The following MED25 variants were observed in gnomAD, a reference collection of about 807,000 sequenced individuals.
The protein encoded by MED25 is mediator of RNA polymerase II transcription subunit 25.
A neutral mutation model predicts 89.4 loss-of-function variants in MED25; 62 were observed. The ratio of observed to expected loss-of-function variants is 0.69; its 90% CI spans 0.57 to 0.86. The LOEUF (loss-of-function observed/expected upper bound fraction) is 0.86, where lower values mean the gene tolerates loss of function less well. Ranked by LOEUF, MED25 falls within the 40% of genes least tolerant of loss-of-function variation. The pLI is 0.00. For synonymous variants in MED25, 449 were observed against 427.9 expected, an observed-to-expected ratio of 1.05 and a Z score of -0.61; for missense variants, 905 against 1,005.2, an observed-to-expected ratio of 0.90 and a Z score of 1.35.
In MED25 at chr19:49,831,202, C is replaced by T. The variant is rs920526949; in HGVS notation, c.1102-131C>T. The T allele has an allele frequency of 9.6e-7, 1 of 1,039,960 alleles. No individual in the cohort carries two copies. The highest frequency in any genetic ancestry group is 1.4e-6 in the Non-Finnish European group (1 of 718,926). The allele number at this position is 1,039,960 out of a possible 1,614,324, so 64.4% of individuals were successfully genotyped here. A position where few individuals can be genotyped will look rare whatever the true frequency, so the allele number is the denominator to read the frequency against. On this transcript the variant is annotated intron_variant, in intron 9 of 17. Coordinates refer to ENST00000312865, the MANE Select transcript of MED25 (RefSeq NM_030973.4). The surrounding 1 kb of genome is among the most constrained non-coding windows in gnomAD (Gnocchi z 5.0). ...AAGCATTTGGGGTCCTGCGGCTGGC[C>T]AAGTGCTGTTCTGGGGATGGAGGGG...
chr19:49,826,168 G>A (rs753320475), intron 3 of MED25, among the ~76,000 whole-genome samples: 2 of 151,624 alleles, frequency 1.3e-5, no homozygotes, highest in African/African-American at 2.4e-5. Flanking sequence ...GTGAAACCCC[G>A]TCTCTACTTA....
At chr19:49,824,975 G>A (rs1276223760) in intron 3 of MED25, among the ~76,000 whole-genome samples, 3 of 152,246 alleles carry the variant, frequency 2.0e-5, no homozygotes, top group African/African-American at 7.2e-5. Context: ...GAGCCCACTT[G>A]TGTCACCTAG....
At chr19:49,819,126 G>A in intron 2 of MED25, 46 bp from the exon 3 acceptor site, 3 of 1,612,488 alleles carry the variant, frequency 1.9e-6, no homozygotes, top group Non-Finnish European at 2.5e-6. Flanking sequence ...TAAGGGAAAA[G>A]GGAATTGAGG....
chr19:49,830,912 C>T lies in MED25; in HGVS notation c.1101+25C>T. On this transcript the variant is annotated intron_variant, in intron 9 of 17. Transcript: ENST00000312865. This position sits in a 1 kb window ranked among gnomAD's most constrained non-coding sequence, Gnocchi z 4.6. ...GGTAGGTGCCTGCACGCCTCCTGCC[C>T]CTGCTCCTTCCTCCTGCTGTCCACA... 6.3e-7 allele frequency: 1 copy of T among 1,598,564 alleles called. No individual in the cohort carries two copies. The highest frequency in any genetic ancestry group is 1.1e-5 in the South Asian group (1 of 90,944).
At position 49,835,160 on chromosome 19, in the gene MED25, G is replaced by A. The variant is rs2074086227; in HGVS notation, c.1657G>A (p.Glu553Lys). 6.2e-7 allele frequency: 1 copy of A among 1,613,852 alleles called. No homozygotes were observed. Residue 553 changes from glutamate (E) to lysine (K), a missense_variant, in exon 14 of 18, where the codon GAG becomes AAG. Glu to Lys is a moderately conservative substitution (Grantham distance 56). Transcript: ENST00000312865. The surrounding 1 kb of genome is among the most constrained non-coding windows in gnomAD (Gnocchi z 6.2). ...CAAGCAGGTCCAGCAGCAGAAGCTG[G>A]AGCAGCAGCAGCGAGGAGTGAGTGT... The part of the protein sequence containing the change: ...NHKQVQQQKL[E>K]QQQRGMGGQQ...
rs2074045879 is a variant in MED25 at position 49,830,301 on chromosome 19, G to C, written c.819+83G>C. The C allele has an allele frequency of 2.8e-6, 4 of 1,418,142 alleles. No individual in the cohort carries two copies. The Admixed American group carries it at 7.4e-5, about 26-fold the overall frequency. The allele number at this position is 1,418,142 out of a possible 1,614,324, so 87.8% of individuals were successfully genotyped here. ...TGGGGAGAAATCTAGTTGCATGTTG[G>C]AGCTTGTGGGATGATGGGAGTCCCA... On this transcript the variant is annotated intron_variant, in intron 7 of 17. Transcript: ENST00000312865. The surrounding 1 kb of genome is among the most constrained non-coding windows in gnomAD (Gnocchi z 4.6).
chr19:49,830,202 T>C lies in MED25; in HGVS notation c.803T>C (p.Val268Ala). The change falls in exon 7 of 18, where the codon GTC becomes GCC. Residue 268 changes from valine (V) to alanine (A), a missense_variant. Transcript: ENST00000312865. This position sits in a 1 kb window ranked among gnomAD's most constrained non-coding sequence, Gnocchi z 4.6. Reference sequence around the variant, plus strand: ...GCCCCCCAGCAGCCTCTGCCCCCCGTCCCCCCGCAGTACCAGGTATGGATA... The same window carrying C: ...GCCCCCCAGCAGCCTCTGCCCCCCGCCCCCCCGCAGTACCAGGTATGGATA... ...SAAPQQPLPP[V>A]PPQYQVPGNL... 3 of 1,601,126 alleles carry C rather than the reference T, an allele frequency of 1.9e-6. No individual in the cohort carries two copies.
downstream of MED25, chr19:49,838,422 G>T: frequency 2.7e-6 from 1 of 376,572 alleles, no homozygotes. Flanking sequence ...TCCATGGGGC[G>T]TGTGCTTTCT....
In MED25 at chr19:49,829,094, A is replaced by C; in HGVS notation, c.525+4A>C. The C allele has an allele frequency of 6.2e-7, 1 of 1,613,198 alleles. No homozygotes were observed. Among genetic ancestry groups the C allele is most frequent in the African/African-American group, 1.3e-5 (1 of 74,956 alleles). ...TCTTGTGCAGCAGATTGGGGAGGTG[A>C]GGACTCCAGGGTCTGAGGGACGAGG... is the stretch of plus-strand genomic sequence containing the variant. On this transcript the variant is annotated splice_donor_region_variant and intron_variant, in intron 5 of 17. Transcript: ENST00000312865. The surrounding 1 kb of genome is among the most constrained non-coding windows in gnomAD (Gnocchi z 4.6).
intron 3 of MED25, among the ~76,000 whole-genome samples, chr19:49,821,238 T>A (rs568815567): frequency 6.6e-6 from 1 of 152,192 alleles, no homozygotes; most frequent in Non-Finnish European, 1.5e-5. Flanking sequence ...CAACTGGCAT[T>A]CCTCAGATTG....
At position 49,834,851 on chromosome 19, in the gene MED25, T is replaced by A; in HGVS notation, c.1483-135T>A. 1.1e-6 allele frequency: 1 copy of A among 899,090 alleles called. No individual in the cohort carries two copies. Among genetic ancestry groups the A allele is most frequent in the Non-Finnish European group, 1.8e-6 (1 of 556,670 alleles). The allele number at this position is 899,090 out of a possible 1,614,324, so 55.7% of individuals were successfully genotyped here. ...TCCAGAGCAACCCATAGCACACCTG[T>A]TCTCCTTAACCTTCTATAGCAGAAA... On this transcript the variant is annotated intron_variant, in intron 13 of 17. Coordinates refer to ENST00000312865, the MANE Select transcript of MED25 (RefSeq NM_030973.4). The surrounding 1 kb of genome is among the most constrained non-coding windows in gnomAD (Gnocchi z 4.1).
At position 49,835,621 on chromosome 19, in the gene MED25, G is replaced by A. The variant is rs1366115177; in HGVS notation, c.1746+16G>A. ...ACAGAATCTGGTGAGGACAGGGCTGGCGGGGTCGGGGCTGGGTTGGGGAGG... is the reference window on the plus strand; with the variant it reads ...ACAGAATCTGGTGAGGACAGGGCTGACGGGGTCGGGGCTGGGTTGGGGAGG... On this transcript the variant is annotated intron_variant, in intron 15 of 17. Transcript: ENST00000312865. This position sits in a 1 kb window ranked among gnomAD's most constrained non-coding sequence, Gnocchi z 6.2. 2 of 1,556,358 alleles carry A rather than the reference G, an allele frequency of 1.3e-6. No individual in the cohort carries two copies. Among genetic ancestry groups the A allele is most frequent in the Non-Finnish European group, 8.7e-7 (1 of 1,150,374 alleles).
In MED25 at chr19:49,830,764, C is replaced by G. The variant is rs754114694; in HGVS notation, c.978C>G (p.Pro326=). Residue 326 remains proline, a synonymous_variant, in exon 9 of 18, where the codon CCC becomes CCG. Coordinates refer to ENST00000312865, the MANE Select transcript of MED25 (RefSeq NM_030973.4). The surrounding 1 kb of genome is among the most constrained non-coding windows in gnomAD (Gnocchi z 4.6). ...CCCCCTTCAGCCAGGCCCCAGCTCCCCAACTACCCCCAGGACCCCCTGGCG... is the reference window on the plus strand; with the variant it reads ...CCCCCTTCAGCCAGGCCCCAGCTCCGCAACTACCCCCAGGACCCCCTGGCG... ...VGPPFSQAPA[P]QLPPGPPGAP... is the part of the protein sequence containing the mutation. The G allele has an allele frequency of 1.2e-6, 2 of 1,613,356 alleles. No homozygotes were observed. The highest frequency in any genetic ancestry group is 2.2e-5 in the South Asian group (2 of 91,066).
Position 49,835,805 on chromosome 19 carries a change from G to A in MED25, c.1825G>A (p.Gly609Ser), listed in dbSNP as rs200354720. 8.1e-6 allele frequency: 13 copies of A among 1,608,586 alleles called. No homozygotes were observed. In the East Asian group the frequency reaches 1.6e-4, roughly 19 times the overall value. ...SGATGQPQPQ[G>S]TAQPPPGAPQ... ...GGCCACGGGGCAGCCCCAGCCCCAA[G>A]GTACTGCCCAGCCCCCGCCAGGTGC... The change falls in exon 16 of 18, where the codon GGT becomes AGT. Residue 609 changes from glycine to serine, a missense_variant. Coordinates refer to ENST00000312865, the MANE Select transcript of MED25 (RefSeq NM_030973.4). This position sits in a 1 kb window ranked among gnomAD's most constrained non-coding sequence, Gnocchi z 6.2.
At chr19:49,838,973 A>G (rs1265532009), downstream of MED25, 3 of 354,178 alleles carry the variant, frequency 8.5e-6, no homozygotes, top group Admixed American at 1.2e-4. Context: ...ACAGAAACAC[A>G]TGACTGTTGA....
intron 4 of MED25, among the ~76,000 whole-genome samples, 161 bp downstream of exon 4, chr19:49,828,708 C>T (rs902707896): frequency 1.1e-4 from 16 of 152,198 alleles, no homozygotes; most frequent in African/African-American, 3.6e-4. Flanking sequence ...CCTTGGGGGA[C>T]GCCTGGCCAG....
Position 49,834,825 on chromosome 19 carries a change from C to T in MED25, c.1483-161C>T, listed in dbSNP as rs2074083792. The T allele has an allele frequency of 1.4e-6, 1 of 725,848 alleles. No individual in the cohort carries two copies. The highest frequency in any genetic ancestry group is 2.4e-6 in the Non-Finnish European group (1 of 424,042). 45.0% of individuals were successfully genotyped at this position (725,848 alleles called of 1,614,324 possible). ...TTGCCCTGAGCGCCTCAGTTTCTGTCTCCAGAGCAACCCATAGCACACCTG... is the reference window on the plus strand; with the variant it reads ...TTGCCCTGAGCGCCTCAGTTTCTGTTTCCAGAGCAACCCATAGCACACCTG... On this transcript the variant is annotated intron_variant, in intron 13 of 17. Transcript: ENST00000312865. This position sits in a 1 kb window ranked among gnomAD's most constrained non-coding sequence, Gnocchi z 4.1.
intron 3 of MED25, among the ~76,000 whole-genome samples, chr19:49,826,395 G>C (rs1057074117): frequency 2.6e-5 from 4 of 152,214 alleles, no homozygotes; most frequent in Admixed American, 2.6e-4. Context: ...GTGTGTGGTG[G>C]GTTGGGAGCA....
Position 49,828,367 on chromosome 19 carries a change from C to CA in MED25, c.306-81dup, listed in dbSNP as rs949284690. 2.4e-5 allele frequency: 23 copies of CA among 939,308 alleles called. No individual in the cohort carries two copies. The African/African-American group carries it at 3.4e-4, about 14-fold the overall frequency. 58.2% of individuals were successfully genotyped at this position (939,308 alleles called of 1,614,324 possible). The stretch of plus-strand genomic sequence containing the variant: ...GCATAGCCCAGGATAGAGTGGGGGA[C>CA]AGCATGGGAGCAGGCTCTTCAAGCA... On this transcript the variant is annotated intron_variant, in intron 3 of 17. Coordinates refer to ENST00000312865, the MANE Select transcript of MED25 (RefSeq NM_030973.4).
Sources: allele counts gnomAD v4.1 joint callset (sites outside exome capture counted in the v4.1 genomes callset), GRCh38; gene constraint gnomAD v4.1.1; non-coding constraint Gnocchi (gnomAD v3.1); transcripts MANE v1.5; gene names NCBI Gene and HGNC (gene_info 2026-07-23, HGNC 2026-07-21).